Variants in EFR3A observed in about 807,000 individuals in gnomAD.
The protein encoded by EFR3A is EFR3 homolog A.
Under a neutral mutation model 104.4 loss-of-function variants are expected in EFR3A, and 76 were observed. The observed-to-expected ratio is 0.73, with a 90% confidence interval of 0.60 to 0.88. The LOEUF (loss-of-function observed/expected upper bound fraction) is 0.88. Ranked by LOEUF, EFR3A falls within the 40% of genes least tolerant of loss-of-function variation. EFR3A has a pLI of 0.00. For synonymous variants in EFR3A, 330 were observed against 330.0 expected, an observed-to-expected ratio of 1.00 and a Z score of 0.00; for missense variants, 985 against 1,012.5, an observed-to-expected ratio of 0.97 and a Z score of 0.37.
chr8:131,944,910 A>C lies in EFR3A; in HGVS notation c.215+38A>C, dbSNP rs1818356704. The C allele has an allele frequency of 1.9e-5, 31 of 1,591,062 alleles. 1 individual carries two copies. The East Asian group carries it at 7.0e-4, about 36-fold the overall frequency. ...ATGGCTGCTAAAATAGTATCTTTGG[A>C]AAATTCTTTCTAGACTTTTAAATCA... On this transcript the variant is annotated intron_variant, in intron 3 of 22. Coordinates refer to ENST00000254624, the MANE Select transcript of EFR3A (RefSeq NM_015137.6).
chr8:131,959,887 A>G (rs1189971921), intron 8 of EFR3A, among the ~76,000 whole-genome samples: 1 of 152,248 alleles, frequency 6.6e-6, no homozygotes, highest in Non-Finnish European at 1.5e-5. Context: ...GGTTCCCCTC[A>G]GAGCCAAGGC....
intron 1 of EFR3A, among the ~76,000 whole-genome samples, chr8:131,917,638 A>T (rs1294963920): frequency 6.6e-6 from 1 of 152,214 alleles, no homozygotes; most frequent in East Asian, 1.9e-4. Context: ...GAGGTGAGAT[A>T]ATGTTCTATT....
At chr8:132,001,521 C>G (rs534300253) in intron 19 of EFR3A, among the ~76,000 whole-genome samples, 6 of 152,264 alleles carry the variant, frequency 3.9e-5, no homozygotes, top group African/African-American at 1.4e-4. Flanking sequence ...TTAATTATTG[C>G]AGTCTAATGC....
At chr8:131,928,660 C>T (rs1461797132) in intron 1 of EFR3A, among the ~76,000 whole-genome samples, 1 of 152,058 alleles carries the variant, frequency 6.6e-6, no homozygotes, top group Admixed American at 6.6e-5. Context: ...TATTCTGAAA[C>T]TGCCACTGTT....
At chr8:131,990,494 C>G (rs1457013991) in intron 18 of EFR3A, among the ~76,000 whole-genome samples, 3 of 152,070 alleles carry the variant, frequency 2.0e-5, no homozygotes, top group Non-Finnish European at 2.9e-5. Context: ...AGGATTTGTT[C>G]CGTGAATTAA....
Position 132,011,059 on chromosome 8 carries a change from A to C in EFR3A, c.*164A>C. ...ATACCATATTAGAAGTTTTGGAGCTATATATAATTTCGAGTACTTTCAAAG... is the reference window on the plus strand; with the variant it reads ...ATACCATATTAGAAGTTTTGGAGCTCTATATAATTTCGAGTACTTTCAAAG... On this transcript the variant is annotated 3_prime_UTR_variant, in exon 23 of 23. Transcript: ENST00000254624. 7.8e-7 allele frequency: 1 copy of C among 1,275,164 alleles called. No individual in the cohort carries two copies. The highest frequency in any genetic ancestry group is 1.0e-6 in the Non-Finnish European group (1 of 1,004,700). 79.0% of individuals were successfully genotyped at this position (1,275,164 alleles called of 1,614,324 possible). A position where few individuals can be genotyped will look rare whatever the true frequency, so the allele number is the denominator to read the frequency against.
chr8:131,970,634 C>G lies in EFR3A; in HGVS notation c.1150C>G (p.Gln384Glu). Residue 384 changes from glutamine (Q) to glutamate (E), a missense_variant, in exon 10 of 23, where the codon CAA becomes GAA. Transcript: ENST00000254624. ...GAAGATTGTGCAGAATGCTATCATC[C>G]AAACAATAGGTGAGTACATTTCACT... ...DEKIVQNAIIQTIGFFGSNLP... is the reference protein window; with the variant it reads ...DEKIVQNAIIETIGFFGSNLP... 1 of 1,613,186 alleles carries G rather than the reference C, an allele frequency of 6.2e-7. No homozygotes were observed. The highest frequency in any genetic ancestry group is 8.5e-7 in the Non-Finnish European group (1 of 1,179,542).
At position 132,012,669 on chromosome 8, in the gene EFR3A, G is replaced by A. The variant is rs1395379581; in HGVS notation, c.*1774G>A. ...TATATTTTAAAAAAATCTAAGCAGG[G>A]GGACATGCAAAAACAATCATCATCC... On this transcript the variant is annotated 3_prime_UTR_variant, in exon 23 of 23. Transcript: ENST00000254624. 1 of 152,140 alleles carries A rather than the reference G, an allele frequency of 6.6e-6. No individual in the cohort carries two copies. The highest frequency in any genetic ancestry group is 1.5e-5 in the Non-Finnish European group (1 of 67,978). The allele number at this position is 152,140 out of a possible 1,614,324, so 9.4% of individuals were successfully genotyped here. A position where few individuals can be genotyped will look rare whatever the true frequency, so the allele number is the denominator to read the frequency against.
At chr8:131,963,885 G>A (rs562975789) in intron 8 of EFR3A, among the ~76,000 whole-genome samples, 1 of 152,138 alleles carries the variant, frequency 6.6e-6, no homozygotes, top group Non-Finnish European at 1.5e-5. Flanking sequence ...GATCAAGTGG[G>A]CTTCATCCCT....
At chr8:131,942,410 G>A (rs1586575344) in intron 2 of EFR3A, among the ~76,000 whole-genome samples, 1 of 152,072 alleles carries the variant, frequency 6.6e-6, no homozygotes, top group South Asian at 2.1e-4. Context: ...CATAGTCCCT[G>A]CCTTGAAAGA....
At chr8:131,990,201 A>T (rs1821100833) in intron 18 of EFR3A, among the ~76,000 whole-genome samples, 1 of 152,206 alleles carries the variant, frequency 6.6e-6, no homozygotes, top group South Asian at 2.1e-4. Context: ...ACAGCAGCTG[A>T]TTTGGTATTA....
chr8:131,962,170 G>A (rs1036476415), intron 8 of EFR3A, among the ~76,000 whole-genome samples: 2 of 152,148 alleles, frequency 1.3e-5, no homozygotes, highest in African/African-American at 4.8e-5. Context: ...AAAATCACCA[G>A]CTAACATCAT....
chr8:131,980,835 C>G (rs1380520082), intron 14 of EFR3A, among the ~76,000 whole-genome samples: 1 of 152,002 alleles, frequency 6.6e-6, no homozygotes, highest in African/African-American at 2.4e-5. Context: ...TTTCAGGCCC[C>G]AGCTCTTGCT....
chr8:131,982,843 A>G (rs182934970), intron 14 of EFR3A, among the ~76,000 whole-genome samples: 1 of 152,238 alleles, frequency 6.6e-6, no homozygotes, highest in East Asian at 1.9e-4. Flanking sequence ...TGAGAGAGAG[A>G]AAGAACGAGA....
chr8:131,940,196 C>G, intron 1 of EFR3A: 1 of 289,416 alleles, frequency 3.5e-6, no homozygotes, highest in Non-Finnish European at 6.6e-6. Context: ...GCCGGAGTTG[C>G]GGGCAGATGA....
chr8:131,930,569 C>T (rs1817544684), intron 1 of EFR3A, among the ~76,000 whole-genome samples: 1 of 151,910 alleles, frequency 6.6e-6, no homozygotes, highest in Non-Finnish European at 1.5e-5. Flanking sequence ...ACTTGAAATA[C>T]TTGGCTTAGG....
intron 5 of EFR3A, 45 bp from the exon 6 acceptor site, chr8:131,953,773 A>C (rs749722869): frequency 3.4e-6 from 5 of 1,480,928 alleles, no homozygotes; most frequent in Admixed American, 2.6e-5. Flanking sequence ...TTGTTTAAAT[A>C]ATTTTTTTAT....
chr8:131,928,014 T>C lies in EFR3A; in HGVS notation c.11-12485T>C, dbSNP rs79728642. Reference sequence around the variant, plus strand: ...CAGCTATAATCTTAAAATTGTCTTCTGACAATGGAAAATAAAATCTGACAA... The same window carrying C: ...CAGCTATAATCTTAAAATTGTCTTCCGACAATGGAAAATAAAATCTGACAA... On this transcript the variant is annotated intron_variant, in intron 1 of 22. Coordinates refer to ENST00000254624, the MANE Select transcript of EFR3A (RefSeq NM_015137.6). Among the ~76,000 whole-genome samples, 174 of 152,302 alleles carry C rather than the reference T, an allele frequency of 1.1e-3. 1 individual carries two copies. Among genetic ancestry groups the C allele is most frequent in the African/African-American group, 4.1e-3 (171 of 41,580 alleles).
intron 10 of EFR3A, 146 bp from the exon 11 acceptor site, chr8:131,975,881 G>C: frequency 1.7e-6 from 1 of 599,706 alleles, no homozygotes; most frequent in Non-Finnish European, 3.0e-6. Context: ...AAATGAAATT[G>C]TAATATCCTT....
Sources: allele counts gnomAD v4.1 joint callset (sites outside exome capture counted in the v4.1 genomes callset), GRCh38; gene constraint gnomAD v4.1.1; transcripts MANE v1.5; gene names NCBI Gene and HGNC (gene_info 2026-07-23, HGNC 2026-07-21).